IL12RB2: variants seen among roughly 807,000 people sequenced by gnomAD.
IL12RB2 encodes the protein interleukin-12 receptor subunit beta-2.
Under a neutral mutation model 89.4 loss-of-function variants are expected in IL12RB2, and 82 were observed. That is an observed-to-expected ratio of 0.92 (90% CI 0.77 to 1.10). The LOEUF (loss-of-function observed/expected upper bound fraction) is 1.10. Ranked by LOEUF, IL12RB2 falls within the 50% of genes least tolerant of loss-of-function variation. The pLI is 0.00. For missense variants in IL12RB2, 963 were observed against 1,031.9 expected (o/e 0.93, Z 0.92); for synonymous variants, 368 against 370.1 (o/e 0.99, Z 0.07).
At chr1:67,392,432 G>A (rs2100318104) in intron 16 of IL12RB2, among the ~76,000 whole-genome samples, 1 of 152,192 alleles carries the variant, frequency 6.6e-6, no homozygotes, top group South Asian at 2.1e-4. Flanking sequence ...ATTGTCCAAA[G>A]TGGGTTTATT....
intron 13 of IL12RB2, among the ~76,000 whole-genome samples, chr1:67,375,419 A>G (rs1229454051): frequency 2.0e-5 from 3 of 152,158 alleles, no homozygotes; most frequent in African/African-American, 7.2e-5. Context: ...AAAAAGGAAA[A>G]GTACACAAAA....
intron 13 of IL12RB2, among the ~76,000 whole-genome samples, chr1:67,379,129 G>A (rs1166895322): frequency 3.3e-5 from 5 of 151,410 alleles, no homozygotes; most frequent in African/African-American, 9.7e-5. Flanking sequence ...CCTAGGAGGC[G>A]GAGGTTACAG....
intron 10 of IL12RB2, 51 bp downstream of exon 10, chr1:67,351,140 C>A: frequency 6.3e-7 from 1 of 1,597,486 alleles, no homozygotes; most frequent in South Asian, 1.1e-5. Context: ...GTGTCTTACT[C>A]ATCTCTTATC....
intron 10 of IL12RB2, among the ~76,000 whole-genome samples, chr1:67,364,069 A>C (rs1305026192): frequency 2.6e-5 from 4 of 152,236 alleles, no homozygotes; most frequent in Non-Finnish European, 5.9e-5. Context: ...ACCCAACTAT[A>C]GTTGTCTATA....
rs140508175 is a variant in IL12RB2 at position 67,321,751 on chromosome 1, A to G, written c.226A>G (p.Arg76Gly). Reference sequence around the variant, plus strand: ...GTTAATCCTGTACAAGTTTGACAGAAGAATCAATTTTCACCATGGCCACTC... The same window carrying G: ...GTTAATCCTGTACAAGTTTGACAGAGGAATCAATTTTCACCATGGCCACTC... ...NKLILYKFDR[R>G]INFHHGHSLN... Residue 76 changes from arginine (R) to glycine (G), a missense_variant, in exon 4 of 17, where the codon AGA (arginine) becomes GGA (glycine). Arg to Gly is a moderately radical substitution (Grantham distance 125). Transcript: ENST00000674203. The G allele has an allele frequency of 6.3e-4, 1,009 of 1,613,152 alleles. No homozygotes were observed. The highest frequency in any genetic ancestry group is 8.0e-4 in the Non-Finnish European group (949 of 1,179,222).
chr1:67,374,792 T>C (rs1248628984), intron 13 of IL12RB2, among the ~76,000 whole-genome samples: 1 of 147,534 alleles, frequency 6.8e-6, no homozygotes, highest in Non-Finnish European at 1.5e-5. Flanking sequence ...TTTTTTTTTT[T>C]TTTTTTTTTT....
At chr1:67,308,119 A>T (rs557791074) in intron 1 of IL12RB2, among the ~76,000 whole-genome samples, 152 bp downstream of exon 1, 69 of 151,808 alleles carry the variant, frequency 4.5e-4, no homozygotes, top group African/African-American at 1.6e-3. Flanking sequence ...GTATATATAT[A>T]TTTTTAAAGT....
At position 67,359,713 on chromosome 1, in the gene IL12RB2, C is replaced by CA. The variant is rs561928830; in HGVS notation, c.1259-8102dup. 6.6e-3 allele frequency among the ~76,000 whole-genome samples: 990 copies of CA among 150,320 alleles called. 10 individuals carry two copies. The highest frequency in any genetic ancestry group is 0.022 in the African/African-American group (873 of 40,488). ...CTCCAGCCTGGGCAACAGAGCATCT[C>CA]AAAAAAAAAACAAAAAAACACACAG... On this transcript the variant is annotated intron_variant, in intron 10 of 16. Transcript: ENST00000674203.
intron 2 of IL12RB2, among the ~76,000 whole-genome samples, chr1:67,319,406 A>G (rs982763844): frequency 1.3e-5 from 2 of 152,228 alleles, no homozygotes; most frequent in African/African-American, 2.4e-5. Context: ...TAAAATAAGT[A>G]ATTAAAAAAC....
chr1:67,361,334 G>A (rs761070653), intron 10 of IL12RB2, among the ~76,000 whole-genome samples: 1 of 152,118 alleles, frequency 6.6e-6, no homozygotes, highest in Admixed American at 6.6e-5. Flanking sequence ...ACTTGGATAT[G>A]GCAGGGATGT....
At position 67,396,989 on chromosome 1, in the gene IL12RB2, T is replaced by A. The variant is rs1570258039; in HGVS notation, c.*900T>A. 1 of 151,992 alleles carries A rather than the reference T, an allele frequency of 6.6e-6. No individual in the cohort carries two copies. The highest frequency in any genetic ancestry group is 1.5e-5 in the Non-Finnish European group (1 of 67,992). The allele number at this position is 151,992 out of a possible 1,614,324, so 9.4% of individuals were successfully genotyped here. A position where few individuals can be genotyped will look rare whatever the true frequency, so the allele number is the denominator to read the frequency against. ...CTACTAAAAATATTTTTAAAAAAAATTAACTGGGCGTGATGGCGGGCGCCT... is the reference window on the plus strand; with the variant it reads ...CTACTAAAAATATTTTTAAAAAAAAATAACTGGGCGTGATGGCGGGCGCCT... On this transcript the variant is annotated 3_prime_UTR_variant, in exon 17 of 17. Transcript: ENST00000674203.
chr1:67,341,587 AG>A (rs1659632198), intron 9 of IL12RB2, among the ~76,000 whole-genome samples: 1 of 140,848 alleles, frequency 7.1e-6, no homozygotes, highest in Admixed American at 7.1e-5. Flanking sequence ...AAGAAAGAAA[AG>A]AAAGGAAGGA....
intron 4 of IL12RB2, among the ~76,000 whole-genome samples, chr1:67,323,648 G>C (rs1026497914): frequency 2.0e-5 from 3 of 152,178 alleles, no homozygotes; most frequent in Non-Finnish European, 4.4e-5. Context: ...AGTCAAACGT[G>C]AGGGTAGAAT....
At chr1:67,336,104 T>C (rs1318244728) in intron 8 of IL12RB2, among the ~76,000 whole-genome samples, 1 of 152,204 alleles carries the variant, frequency 6.6e-6, no homozygotes, top group African/African-American at 2.4e-5. Context: ...ACCCTGATTT[T>C]ACAAATGTCT....
At chr1:67,346,378 ATTTT>A (rs10577525) in intron 9 of IL12RB2, among the ~76,000 whole-genome samples, 4 of 93,890 alleles carry the variant, frequency 4.3e-5, no homozygotes, top group African/African-American at 2.1e-4. Context: ...AGGGTTGTCT[ATTTT>A]TTTTTTTTTT....
rs745518011 is a variant in IL12RB2 at position 67,330,792 on chromosome 1, G to A, written c.940G>A (p.Ala314Thr). The change falls in exon 8 of 17, where the codon GCA becomes ACA. Residue 314 changes from alanine to threonine, a missense_variant. Ala to Thr is a moderately conservative substitution (Grantham distance 58). Transcript: ENST00000674203. ...SWSDWSESLR[A>T]QTPEEEPTGM... ...GAGTGATTGGAGTGAATCATTGAGAGCACAAACACCAGAAGAAGGTATATG... is the reference window on the plus strand; with the variant it reads ...GAGTGATTGGAGTGAATCATTGAGAACACAAACACCAGAAGAAGGTATATG... 1.3e-6 allele frequency: 2 copies of A among 1,574,220 alleles called. No individual in the cohort carries two copies. The highest frequency in any genetic ancestry group is 8.7e-7 in the Non-Finnish European group (1 of 1,143,864).
chr1:67,351,156 C>A, intron 10 of IL12RB2, 67 bp downstream of exon 10: 1 of 1,580,732 alleles, frequency 6.3e-7, no homozygotes, highest in South Asian at 1.1e-5. Context: ...TTATCTCCTG[C>A]AGGCCCAACC....
Position 67,395,716 on chromosome 1 carries a change from C to T in IL12RB2, c.2216C>T (p.Ser739Phe), listed in dbSNP as rs767439877. The T allele has an allele frequency of 6.2e-7, 1 of 1,614,180 alleles. No homozygotes were observed. Among genetic ancestry groups the T allele is most frequent in the African/African-American group, 1.3e-5 (1 of 75,056 alleles). ...REKGIQGHQA[S>F]EKDMMHSASS... ...AAAGGAATCCAAGGTCATCAGGCCT[C>T]TGAGAAAGACATGATGCACAGTGCC... Residue 739 changes from serine to phenylalanine, a missense_variant, in exon 17 of 17, where the codon TCT becomes TTT. Transcript: ENST00000674203.
At chr1:67,385,976 C>T (rs1308295864) in intron 14 of IL12RB2, among the ~76,000 whole-genome samples, 1 of 151,548 alleles carries the variant, frequency 6.6e-6, no homozygotes, top group Non-Finnish European at 1.5e-5. Context: ...TTTGGGAGGC[C>T]GAGGCAGGCA....
Sources: allele counts gnomAD v4.1 joint callset (sites outside exome capture counted in the v4.1 genomes callset), GRCh38; gene constraint gnomAD v4.1.1; transcripts MANE v1.5; gene names NCBI Gene and HGNC (gene_info 2026-07-23, HGNC 2026-07-21).